Variants in SLC25A21 observed in about 807,000 individuals in gnomAD.
SLC25A21 encodes the protein mitochondrial 2-oxodicarboxylate carrier.
In SLC25A21, 47 loss-of-function variants were observed where a neutral mutation model predicts 43.8. That is an observed-to-expected ratio of 1.07 (90% CI 0.85 to 1.37). SLC25A21 has a LOEUF of 1.37. Ranked by LOEUF, SLC25A21 falls within the 40% of genes most tolerant of loss-of-function variation. SLC25A21 has a pLI of 0.00. For missense variants in SLC25A21, 352 were observed against 350.2 expected, an observed-to-expected ratio of 1.00 and a Z score of -0.04; for synonymous variants, 131 against 121.3, an observed-to-expected ratio of 1.08 and a Z score of -0.52.
chr14:37,057,981 AC>A (rs1450247094), intron 1 of SLC25A21, among the ~76,000 whole-genome samples: 2 of 152,210 alleles, frequency 1.3e-5, no homozygotes, highest in Non-Finnish European at 2.9e-5. Context: ...TTCTGCCCAC[AC>A]AGCAATAATC....
intron 1 of SLC25A21, among the ~76,000 whole-genome samples, chr14:36,880,930 C>T (rs555538723): frequency 1.4e-4 from 22 of 152,248 alleles, no homozygotes; most frequent in South Asian, 4.2e-4. Context: ...CACAGCCTGA[C>T]GCTGCAACAA....
intron 1 of SLC25A21, among the ~76,000 whole-genome samples, chr14:36,907,700 T>C (rs2138607199): frequency 6.6e-6 from 1 of 152,216 alleles, no homozygotes; most frequent in Admixed American, 6.5e-5. Context: ...ATACAGAAGC[T>C]TATCAGACTG....
rs1226933540 is a variant in SLC25A21 at position 37,108,718 on chromosome 14, TGTGTGTGTGTGTGTGTGTGTGC to T, written c.70+63541_70+63562del. Among the ~76,000 whole-genome samples, 920 of 146,110 alleles carry T rather than the reference TGTGTGTGTGTGTGTGTGTGTGC, an allele frequency of 6.3e-3. 10 individuals are homozygous for T. The highest frequency in any genetic ancestry group is 0.023 in the African/African-American group (891 of 38,520). ...GAGTTTTGTTAAGTGTGTGTGTGTG[TGTGTGTGTGTGTGTGTGTGTGC>T]GTGTGTGTGTTGTGTGCCTCAATCC... On this transcript the variant is annotated intron_variant, in intron 1 of 9. Transcript: ENST00000331299.
intron 2 of SLC25A21, among the ~76,000 whole-genome samples, chr14:36,822,522 G>C (rs712345): frequency 6.6e-6 from 1 of 151,942 alleles, no homozygotes; most frequent in African/African-American, 2.4e-5. Context: ...CTGTAAAGGA[G>C]ACCAATAAGT....
chr14:36,848,331 T>C lies in SLC25A21; in HGVS notation c.119+26625A>G, dbSNP rs945372054. On this transcript the variant is annotated intron_variant, in intron 2 of 9. Coordinates refer to ENST00000331299, the MANE Select transcript of SLC25A21 (RefSeq NM_030631.4). ...TATACGTTATGTATATTCTCCATAC[T>C]GTCAAGGCTCAGATTTGTTTCCAGT... is the stretch of plus-strand genomic sequence containing the variant. Among the ~76,000 whole-genome samples the C allele has an allele frequency of 2.0e-5, 3 of 152,216 alleles. 1 individual carries two copies. The South Asian group carries it at 6.2e-4, about 32-fold the overall frequency.
At chr14:36,755,670 A>G (rs368826330) in intron 3 of SLC25A21, among the ~76,000 whole-genome samples, 2 of 152,202 alleles carry the variant, frequency 1.3e-5, no homozygotes, top group South Asian at 2.1e-4. Flanking sequence ...AAAAAAATCT[A>G]TATATATCAA....
intron 1 of SLC25A21, among the ~76,000 whole-genome samples, chr14:37,007,861 T>C (rs1960641880): frequency 6.6e-6 from 1 of 152,152 alleles, no homozygotes; most frequent in Admixed American, 6.5e-5. Context: ...CTGCTAATTA[T>C]AAAAAATTTG....
At chr14:36,804,050 T>C (rs531183580) in intron 3 of SLC25A21, among the ~76,000 whole-genome samples, 59 of 152,342 alleles carry the variant, frequency 3.9e-4, no homozygotes, top group Non-Finnish European at 7.4e-5. Flanking sequence ...ATGTGTAATC[T>C]AATTTCATTT....
At chr14:37,168,962 A>G (rs1021673918) in intron 1 of SLC25A21, among the ~76,000 whole-genome samples, 3 of 152,174 alleles carry the variant, frequency 2.0e-5, no homozygotes, top group Non-Finnish European at 2.9e-5. Context: ...ATCTTGTGGA[A>G]GACTGCCACA....
At chr14:37,020,532 A>T (rs1217317867) in intron 1 of SLC25A21, among the ~76,000 whole-genome samples, 1 of 152,094 alleles carries the variant, frequency 6.6e-6, no homozygotes, top group East Asian at 1.9e-4. Context: ...ATAATCAGAA[A>T]TATACAATGT....
chr14:36,864,634 T>TA (rs1890161239), intron 2 of SLC25A21, among the ~76,000 whole-genome samples: 1 of 152,236 alleles, frequency 6.6e-6, no homozygotes, highest in African/African-American at 2.4e-5. Context: ...GGGGATCCTG[T>TA]AACCATTCCA....
At chr14:36,715,262 C>T (rs1671162423) in intron 6 of SLC25A21, among the ~76,000 whole-genome samples, 1 of 152,174 alleles carries the variant, frequency 6.6e-6, no homozygotes, top group African/African-American at 2.4e-5. Context: ...TGTTTTCTTT[C>T]TTCATTCAGG....
chr14:37,143,314 G>C (rs1410059875), intron 1 of SLC25A21, among the ~76,000 whole-genome samples: 1 of 152,166 alleles, frequency 6.6e-6, no homozygotes, highest in Non-Finnish European at 1.5e-5. Flanking sequence ...TGGCAAACAG[G>C]CTTAGCTAAC....
intron 2 of SLC25A21, among the ~76,000 whole-genome samples, chr14:36,827,086 G>A (rs932175128): frequency 6.6e-6 from 1 of 152,146 alleles, no homozygotes; most frequent in African/African-American, 2.4e-5. Context: ...TGTGGATTGT[G>A]TTTCTGTTTG....
intron 1 of SLC25A21, among the ~76,000 whole-genome samples, chr14:37,007,670 T>A (rs553097599): frequency 3.2e-4 from 49 of 151,404 alleles, no homozygotes; most frequent in African/African-American, 1.1e-3. Context: ...TCTCAAGAAA[T>A]CTATTTCTCT....
intron 1 of SLC25A21, among the ~76,000 whole-genome samples, chr14:37,093,432 T>C (rs1962626267): frequency 1.3e-5 from 2 of 152,206 alleles, no homozygotes; most frequent in Admixed American, 1.3e-4. Flanking sequence ...TATGGCAACT[T>C]TTTAAAGTTT....
At chr14:36,887,000 G>C (rs1890936222) in intron 1 of SLC25A21, among the ~76,000 whole-genome samples, 1 of 152,036 alleles carries the variant, frequency 6.6e-6, no homozygotes, top group Non-Finnish European at 1.5e-5. Flanking sequence ...GGGAAAATAA[G>C]GTGTGGATTA....
intron 4 of SLC25A21, 138 bp from the exon 5 acceptor site, chr14:36,729,704 T>A (rs1394572077): frequency 4.4e-6 from 3 of 683,794 alleles, no homozygotes; most frequent in Non-Finnish European, 4.8e-6. Context: ...CAGTTTTTAA[T>A]CCTGTCTCGG....
chr14:37,126,729 G>A (rs186745838), intron 1 of SLC25A21, among the ~76,000 whole-genome samples: 2 of 152,254 alleles, frequency 1.3e-5, no homozygotes, highest in African/African-American at 4.8e-5. Context: ...CATTTACAAA[G>A]TAGCTGCTAG....
Sources: allele counts gnomAD v4.1 joint callset (sites outside exome capture counted in the v4.1 genomes callset), GRCh38; gene constraint gnomAD v4.1.1; transcripts MANE v1.5; gene names NCBI Gene and HGNC (gene_info 2026-07-23, HGNC 2026-07-21).